PDE1C: variants seen among roughly 807,000 people sequenced by gnomAD.
PDE1C encodes the protein phosphodiesterase 1C.
Under a neutral mutation model 93.1 loss-of-function variants are expected in PDE1C, and 62 were observed. That is an observed-to-expected ratio of 0.67 (90% CI 0.54 to 0.82). The LOEUF is 0.82. PDE1C is among the 40% of genes least tolerant of loss of function. The probability of loss-of-function intolerance (pLI) is 0.00; values close to 1 mark genes in which losing one functional copy is unlikely to be tolerated. For synonymous variants in PDE1C, 325 were observed against 310.1 expected (o/e 1.05, Z -0.50); for missense variants, 742 against 884.6 (o/e 0.84, Z 2.04).
At chr7:31,747,251 C>T (rs56122141), downstream of PDE1C, among the ~76,000 whole-genome samples, 19,368 of 152,200 alleles carry the variant, frequency 0.13, 1,470 homozygotes, top group East Asian at 0.33. Flanking sequence ...CAAAGGACCT[C>T]AATTGAACCT....
At chr7:31,904,123 C>T (rs1048445518) in intron 2 of PDE1C, among the ~76,000 whole-genome samples, 30 of 152,108 alleles carry the variant, frequency 2.0e-4, no homozygotes, top group African/African-American at 7.2e-4. Context: ...CATGACTAAT[C>T]ATCCTTATCC....
the PDE1C span, among the ~76,000 whole-genome samples, chr7:31,718,687 A>G: frequency 6.6e-6 from 1 of 152,122 alleles, no homozygotes; most frequent in Non-Finnish European, 1.5e-5. Context: ...GAAGAGGGGG[A>G]ATCCCTGTGT....
chr7:31,719,321 C>G, the PDE1C span, among the ~76,000 whole-genome samples: 2 of 152,228 alleles, frequency 1.3e-5, no homozygotes, highest in Non-Finnish European at 2.9e-5. Context: ...CCAGGAAAAT[C>G]TGCCCCTAGC....
At chr7:32,305,781 G>C (rs892695346) in intron 1 of PDE1C, among the ~76,000 whole-genome samples, 1 of 152,270 alleles carries the variant, frequency 6.6e-6, no homozygotes, top group Non-Finnish European at 1.5e-5. Context: ...ACCTCTGTGA[G>C]AGTTAGGAAA....
intron 1 of PDE1C, among the ~76,000 whole-genome samples, chr7:32,331,135 A>G (rs1476650354): frequency 6.6e-6 from 1 of 152,202 alleles, no homozygotes; most frequent in African/African-American, 2.4e-5. Context: ...CCCTTCTTTG[A>G]ACACTGAAGT....
At chr7:32,203,596 A>C (rs1392170703) in intron 2 of PDE1C, among the ~76,000 whole-genome samples, 1 of 151,990 alleles carries the variant, frequency 6.6e-6, no homozygotes, top group Non-Finnish European at 1.5e-5. Context: ...AAATACCTGG[A>C]TTCTTAATTA....
intron 1 of PDE1C, among the ~76,000 whole-genome samples, chr7:32,251,675 T>C (rs919992505): frequency 1.3e-5 from 2 of 152,158 alleles, no homozygotes; most frequent in Non-Finnish European, 2.9e-5. Context: ...AGGAGAATAA[T>C]ACACACACTG....
chr7:31,886,840 T>TA (rs1562972472), intron 2 of PDE1C, among the ~76,000 whole-genome samples: 5 of 148,304 alleles, frequency 3.4e-5, no homozygotes, highest in African/African-American at 7.6e-5. Flanking sequence ...AGAATAGATC[T>TA]TTTCGGATCT....
chr7:31,737,941 A>G, the PDE1C span, among the ~76,000 whole-genome samples: 2 of 152,188 alleles, frequency 1.3e-5, no homozygotes, highest in Admixed American at 1.3e-4. Context: ...AGGTTAAATA[A>G]CAGCATAGAA....
At chr7:31,701,045 G>C in the PDE1C span, among the ~76,000 whole-genome samples, 3 of 151,356 alleles carry the variant, frequency 2.0e-5, no homozygotes, top group Non-Finnish European at 4.4e-5. Flanking sequence ...CTGGATTGAG[G>C]AGTTACTTCG....
intron 1 of PDE1C, among the ~76,000 whole-genome samples, chr7:32,342,352 T>A (rs563596541): frequency 6.6e-6 from 1 of 152,344 alleles, no homozygotes; most frequent in Non-Finnish European, 1.5e-5. Context: ...ATATTATTGT[T>A]GAAATATATA....
intron 2 of PDE1C, among the ~76,000 whole-genome samples, chr7:32,205,666 C>T (rs1158390590): frequency 1.3e-5 from 2 of 152,192 alleles, no homozygotes; most frequent in Non-Finnish European, 2.9e-5. Context: ...TCCCCCTTTG[C>T]AATGAATTTT....
chr7:31,633,959 T>G, the PDE1C span, among the ~76,000 whole-genome samples: 1 of 152,196 alleles, frequency 6.6e-6, no homozygotes, highest in African/African-American at 2.4e-5. Flanking sequence ...AAACAGGAAC[T>G]TTCCACCTAG....
intron 1 of PDE1C, among the ~76,000 whole-genome samples, chr7:32,212,025 C>CAAAAAAAAAAAAAAAAAAAAAAAA (rs35827566): frequency 1.2e-5 from 1 of 81,280 alleles, no homozygotes. Context: ...GAACCTATCT[C>CAAAAAAAAAAAAAAAAAAAAAAAA]AAAAAAAAAA....
intron 7 of PDE1C, among the ~76,000 whole-genome samples, chr7:31,863,382 C>T (rs890592502): frequency 2.2e-4 from 34 of 152,094 alleles, no homozygotes; most frequent in African/African-American, 7.5e-4. Context: ...ATATCTTCAA[C>T]TTTTGAAGAT....
chr7:31,790,855 T>C (rs1388621679), intron 16 of PDE1C, among the ~76,000 whole-genome samples: 1 of 152,100 alleles, frequency 6.6e-6, no homozygotes, highest in Non-Finnish European at 1.5e-5. Context: ...ATAGACAATA[T>C]TGTATTTCTT....
intron 1 of PDE1C, among the ~76,000 whole-genome samples, chr7:32,261,942 A>G (rs1810232447): frequency 6.6e-6 from 1 of 152,022 alleles, no homozygotes; most frequent in Admixed American, 6.6e-5. Context: ...TGAAAAGCAA[A>G]ATATTTACAA....
intron 2 of PDE1C, among the ~76,000 whole-genome samples, chr7:32,005,281 G>A (rs1235491507): frequency 6.6e-6 from 1 of 151,874 alleles, no homozygotes; most frequent in Non-Finnish European, 1.5e-5. Context: ...TTCTGGCCGG[G>A]TGCGGTGGTT....
rs1213634483 is a variant in PDE1C, at chr7:31,865,026, C to T, written c.666G>A (p.Lys222=). Residue 222 remains lysine (K), a synonymous_variant, in exon 7 of 18, where the codon AAG becomes AAA. Transcript: ENST00000396191. ...TTAAGTTATGGTAAGGATTTTTGTG[C>T]TTGCTGTATCCCACTTCCAGGGCCT... ...FVEALEVGYS[K]HKNPYHNLMH... 2 of 1,614,032 alleles carry T rather than the reference C, an allele frequency of 1.2e-6. No individual in the cohort carries two copies. The highest frequency in any genetic ancestry group is 8.5e-7 in the Non-Finnish European group (1 of 1,179,944).
Sources: allele counts gnomAD v4.1 joint callset (sites outside exome capture counted in the v4.1 genomes callset), GRCh38; gene constraint gnomAD v4.1.1; transcripts MANE v1.5; gene names NCBI Gene and HGNC (gene_info 2026-07-23, HGNC 2026-07-21).